HOOK2: variants seen among roughly 807,000 people sequenced by gnomAD.
HOOK2 encodes protein Hook homolog 2.
A neutral mutation model predicts 111.9 loss-of-function variants in HOOK2; 108 were observed. The ratio of observed to expected loss-of-function variants is 0.96; its 90% CI spans 0.83 to 1.13. HOOK2 has a LOEUF of 1.13. Ranked by LOEUF, HOOK2 falls within the 50% of genes most tolerant of loss-of-function variation. HOOK2 has a pLI of 0.00. For missense variants in HOOK2, 978 were observed against 951.3 expected, an observed-to-expected ratio of 1.03 and a Z score of -0.37; for synonymous variants, 405 against 394.3, an observed-to-expected ratio of 1.03 and a Z score of -0.32.
At chr19:12,773,223 C>CT in intron 3 of HOOK2, 179 bp from the exon 4 acceptor site, 1 of 324,168 alleles carries the variant, frequency 3.1e-6, no homozygotes, top group Non-Finnish European at 5.5e-6. Context: ...GCCTGACCAT[C>CT]TTTGTTTCTT....
chr19:12,790,797 A>G lies in HOOK2; in HGVS notation n.42-16572T>C, dbSNP rs531709347. Among the ~76,000 whole-genome samples, 1 of 151,962 alleles carries G rather than the reference A, an allele frequency of 6.6e-6. No homozygotes were observed. The highest frequency in any genetic ancestry group is 1.5e-5 in the Non-Finnish European group (1 of 67,974). On this transcript the variant is annotated intron_variant and non_coding_transcript_variant, in intron 3 of 3. Coordinates refer to the HOOK2 transcript ENST00000589765. The surrounding 1 kb of genome is among the most constrained non-coding windows in gnomAD (Gnocchi z 7.2). ...CTTTCTGCATATCTAGACTTCCCCT[A>G]ATGCCTCCTTCCCGCTTACGGGAGA...
chr19:12,763,029 A>C lies in HOOK2; in HGVS notation c.*253T>G. The C allele has an allele frequency of 2.1e-6, 1 of 483,146 alleles. No individual in the cohort carries two copies. The highest frequency in any genetic ancestry group is 3.7e-6 in the Non-Finnish European group (1 of 273,574). 29.9% of individuals were successfully genotyped at this position (483,146 alleles called of 1,614,324 possible). A position where few individuals can be genotyped will look rare whatever the true frequency, so the allele number is the denominator to read the frequency against. On this transcript the variant is annotated 3_prime_UTR_variant, in exon 23 of 23. Transcript: ENST00000397668. ...CAGATTGAACGCCTTTATTTTTCTCAAATATAAAATCAGAGTCTCCTGAGG... is the reference window on the plus strand; with the variant it reads ...CAGATTGAACGCCTTTATTTTTCTCCAATATAAAATCAGAGTCTCCTGAGG...
At chr19:12,764,668 G>A in intron 20 of HOOK2, 146 bp downstream of exon 20, 3 of 695,948 alleles carry the variant, frequency 4.3e-6, no homozygotes, top group Admixed American at 2.3e-5. Flanking sequence ...TAGCAGTGGG[G>A]AATCATGCAG....
At chr19:12,789,613 T>C (rs1348430215) in intron 3 of HOOK2, among the ~76,000 whole-genome samples, 1 of 151,858 alleles carries the variant, frequency 6.6e-6, no homozygotes, top group East Asian at 1.9e-4. Flanking sequence ...CAGCCGCCGT[T>C]CCAGCCCGCC....
At chr19:12,789,449 G>C (rs1193500598) in intron 3 of HOOK2, among the ~76,000 whole-genome samples, 2 of 152,130 alleles carry the variant, frequency 1.3e-5, no homozygotes, top group African/African-American at 2.4e-5. Context: ...GAAGGAGGGG[G>C]GCTCCCTCTA....
In HOOK2 at chr19:12,765,269, A is replaced by G. The variant is rs190977415; in HGVS notation, c.1641-188T>C. ...CGGCTCCACAGCTGTCAGAGCCACAACCCTCCGCACCCTTAGCAGGTATGC... is the reference window on the plus strand; with the variant it reads ...CGGCTCCACAGCTGTCAGAGCCACAGCCCTCCGCACCCTTAGCAGGTATGC... On this transcript the variant is annotated intron_variant, in intron 18 of 22. Transcript: ENST00000397668. The G allele has an allele frequency of 5.4e-4, 333 of 622,324 alleles. 1 individual carries two copies. Among genetic ancestry groups the G allele is most frequent in the African/African-American group, 4.9e-3 (266 of 54,164 alleles). 38.6% of individuals were successfully genotyped at this position (622,324 alleles called of 1,614,324 possible). A position where few individuals can be genotyped will look rare whatever the true frequency, so the allele number is the denominator to read the frequency against.
chr19:12,774,558 C>T (rs1968435615), intron 3 of HOOK2, 111 bp downstream of exon 3: 2 of 1,001,906 alleles, frequency 2.0e-6, no homozygotes, highest in African/African-American at 3.2e-5. Flanking sequence ...AATGGTTGAT[C>T]ACCAGACATC....
At chr19:12,765,872 G>T in intron 16 of HOOK2, 38 bp from the exon 17 acceptor site, 2 of 1,611,252 alleles carry the variant, frequency 1.2e-6, no homozygotes, top group East Asian at 2.2e-5. Flanking sequence ...GAGAGAGGAG[G>T]GTTACTTCGG....
intron 1 of HOOK2, chr19:12,775,115 G>C: frequency 1.2e-5 from 11 of 902,800 alleles, no homozygotes; most frequent in Non-Finnish European, 1.5e-5. Context: ...TCCAGGCCAG[G>C]GTGGTATCGC....
intron 10 of HOOK2, among the ~76,000 whole-genome samples, 174 bp downstream of exon 10, chr19:12,770,758 A>G (rs1378617301): frequency 1.3e-5 from 2 of 150,862 alleles, no homozygotes; most frequent in African/African-American, 4.9e-5. Flanking sequence ...GGATAGTGCA[A>G]TGTGGCCTTG....
At chr19:12,781,438 T>G (rs996226714), upstream of HOOK2, among the ~76,000 whole-genome samples, 1 of 149,938 alleles carries the variant, frequency 6.7e-6, no homozygotes, top group Non-Finnish European at 1.5e-5. Context: ...GCCATTCTCC[T>G]GCCTCAGCCT....
chr19:12,787,841 G>A (rs1968671918), intron 3 of HOOK2, among the ~76,000 whole-genome samples: 1 of 152,142 alleles, frequency 6.6e-6, no homozygotes, highest in South Asian at 2.1e-4. Flanking sequence ...CTGATCACAA[G>A]GTCAGGAGTT....
chr19:12,773,230 T>TA (rs1968389662), intron 3 of HOOK2, 186 bp from the exon 4 acceptor site: 11 of 441,916 alleles, frequency 2.5e-5, no homozygotes, highest in Non-Finnish European at 3.6e-5. Context: ...CATCTTTGTT[T>TA]CTTTTTTTTT....
intron 14 of HOOK2, 109 bp downstream of exon 14, chr19:12,767,286 C>T: frequency 1.1e-6 from 1 of 900,024 alleles, no homozygotes; most frequent in Non-Finnish European, 1.8e-6. Context: ...GCACCTGGAG[C>T]TGAGACCAAG....
At chr19:12,769,059 G>A (rs1169797534) in intron 11 of HOOK2, among the ~76,000 whole-genome samples, 1 of 148,840 alleles carries the variant, frequency 6.7e-6, no homozygotes, top group African/African-American at 2.5e-5. Context: ...TCCGCCTCCC[G>A]GGTTCACACC....
upstream of HOOK2, among the ~76,000 whole-genome samples, chr19:12,779,061 G>A (rs1403528280): frequency 6.6e-6 from 1 of 152,194 alleles, no homozygotes; most frequent in African/African-American, 2.4e-5. Flanking sequence ...AGCCCCCAAC[G>A]TTTTGGGGGA....
intron 22 of HOOK2, 39 bp from the exon 23 acceptor site, chr19:12,763,470 A>G (rs1171930001): frequency 2.5e-6 from 4 of 1,613,362 alleles, no homozygotes; most frequent in Non-Finnish European, 2.5e-6. Flanking sequence ...GTGAGCTCAC[A>G]GGACCCCCCC....
chr19:12,764,798 C>T lies in HOOK2; in HGVS notation c.1827+16G>A. ...AGCCAGGGCAGGCAACTTGTGGGAA[C>T]ACCCAGCGTCCTCACCATGCGGGCC... On this transcript the variant is annotated intron_variant, in intron 20 of 22. Transcript: ENST00000397668. 1.2e-6 allele frequency: 2 copies of T among 1,604,440 alleles called. No individual in the cohort carries two copies. Among genetic ancestry groups the T allele is most frequent in the Non-Finnish European group, 1.7e-6 (2 of 1,173,412 alleles).
rs1364088105 is a variant in HOOK2, at chr19:12,786,091, A to G, written n.42-11866T>C. 6.6e-6 allele frequency among the ~76,000 whole-genome samples: 1 copy of G among 152,182 alleles called. No individual in the cohort carries two copies. Among genetic ancestry groups the G allele is most frequent in the Non-Finnish European group, 1.5e-5 (1 of 68,026 alleles). On this transcript the variant is annotated intron_variant and non_coding_transcript_variant, in intron 3 of 3. Transcript: ENST00000589765. The surrounding 1 kb of genome is among the most constrained non-coding windows in gnomAD (Gnocchi z 4.3). ...AGAGACTCTCCTTCCTGCTTCCAAG[A>G]AAACCTAGCAGCTTCCTCTCCAGGA...
Sources: gnomAD v4.1 joint callset for allele counts (sites outside exome capture counted in the v4.1 genomes callset) on GRCh38, gnomAD v4.1.1 for gene constraint, Gnocchi (gnomAD v3.1) non-coding constraint, MANE v1.5 for transcripts, NCBI Gene and HGNC (gene_info 2026-07-23, HGNC 2026-07-21) for gene names.